Variants in GPR107 observed in about 807,000 individuals in gnomAD.
GPR107 encodes G protein-coupled receptor 107, also known as protein GPR107.
Under a neutral mutation model 75.5 loss-of-function variants are expected in GPR107, and 31 were observed. That is an observed-to-expected ratio of 0.41 (90% CI 0.31 to 0.55). The LOEUF (loss-of-function observed/expected upper bound fraction) is 0.55. GPR107 is among the 20% of genes least tolerant of loss of function. The pLI, the probability that GPR107 is intolerant of heterozygous loss-of-function variation, is 0.26. For synonymous variants in GPR107, 267 were observed against 251.3 expected (o/e 1.06, Z -0.59); for missense variants, 572 against 665.7 (o/e 0.86, Z 1.55).
Position 130,139,279 on chromosome 9 carries a change from A to C in GPR107, c.*4158A>C. 1 of 152,202 alleles carries C rather than the reference A, an allele frequency of 6.6e-6. No homozygotes were observed. Among genetic ancestry groups the C allele is most frequent in the East Asian group, 1.9e-4 (1 of 5,204 alleles). The allele number at this position is 152,202 out of a possible 1,614,324, so 9.4% of individuals were successfully genotyped here. ...CATCCAGAAAGTACCAAATGTTCTG[A>C]AAGACCCGCTCTTCACTCCAGTTTT... On this transcript the variant is annotated 3_prime_UTR_variant, in exon 18 of 18. Transcript: ENST00000347136.
At chr9:130,080,471 G>GTTTATTTATTTA (rs59817565) in intron 5 of GPR107, among the ~76,000 whole-genome samples, 16,142 of 146,554 alleles carry the variant, frequency 0.11, 938 homozygotes, top group Middle Eastern at 0.17. Context: ...AGGTATTCCT[G>GTTTATTTATTTA]TTTATTTATT....
chr9:130,115,721 C>T (rs1301877085), intron 14 of GPR107, among the ~76,000 whole-genome samples: 2 of 149,576 alleles, frequency 1.3e-5, no homozygotes, highest in Admixed American at 1.3e-4. Context: ...TGAGATCGCA[C>T]CACTGCACTC....
chr9:130,055,667 GGGC>G (rs1829764376), intron 1 of GPR107, among the ~76,000 whole-genome samples: 1 of 152,166 alleles, frequency 6.6e-6, no homozygotes, highest in Non-Finnish European at 1.5e-5. Context: ...TGGCTTGACT[GGGC>G]ACGGTGGCTC....
intron 17 of GPR107, among the ~76,000 whole-genome samples, chr9:130,130,503 T>C (rs1265553881): frequency 1.3e-5 from 2 of 152,326 alleles, no homozygotes; most frequent in Non-Finnish European, 2.9e-5. Context: ...GAAATGGGGA[T>C]TGGGGACTAA....
intron 15 of GPR107, among the ~76,000 whole-genome samples, chr9:130,126,586 G>A (rs374944650): frequency 1.3e-5 from 2 of 152,050 alleles, no homozygotes; most frequent in African/African-American, 4.8e-5. Context: ...CTGACCTCAG[G>A]TGATCCACCC....
At chr9:130,081,618 A>G (rs1299179433) in intron 5 of GPR107, among the ~76,000 whole-genome samples, 1 of 151,620 alleles carries the variant, frequency 6.6e-6, no homozygotes, top group East Asian at 1.9e-4. Flanking sequence ...GTTCGCAGTG[A>G]GCCAAGATCG....
chr9:130,086,178 A>AG (rs1326312010), intron 6 of GPR107, among the ~76,000 whole-genome samples: 9 of 152,158 alleles, frequency 5.9e-5, no homozygotes, highest in Non-Finnish European at 1.0e-4. Flanking sequence ...GATTCAAGGC[A>AG]GGGGGTGGAG....
At chr9:130,126,004 G>A (rs192678411) in intron 15 of GPR107, among the ~76,000 whole-genome samples, 21 of 150,018 alleles carry the variant, frequency 1.4e-4, no homozygotes, top group Admixed American at 6.7e-4. Flanking sequence ...GCAGTAAGCC[G>A]AGATAGAGTG....
At chr9:130,085,753 G>GTTTTTTTTTT (rs1189602398) in intron 6 of GPR107, among the ~76,000 whole-genome samples, 2 of 32,262 alleles carry the variant, frequency 6.2e-5, no homozygotes, top group African/African-American at 1.3e-4. Flanking sequence ...GCAATATTTT[G>GTTTTTTTTTT]ATTTTTTTTT....
At chr9:130,110,165 A>G (rs1275460362) in intron 14 of GPR107, among the ~76,000 whole-genome samples, 1 of 152,134 alleles carries the variant, frequency 6.6e-6, no homozygotes, top group African/African-American at 2.4e-5. Context: ...GGTGACTGCC[A>G]CTGGGACCAT....
In GPR107 at chr9:130,070,010, TTA is replaced by T. The variant is rs1274662565; in HGVS notation, c.142-5625_142-5624del. 2.2e-3 allele frequency among the ~76,000 whole-genome samples: 57 copies of T among 25,534 alleles called. 2 individuals are homozygous for T. The highest frequency in any genetic ancestry group is 2.6e-3 in the Non-Finnish European group (30 of 11,658). 16.8% of individuals were successfully genotyped at this position (25,534 alleles called of 152,430 possible). A position where few individuals can be genotyped will look rare whatever the true frequency, so the allele number is the denominator to read the frequency against. On this transcript the variant is annotated intron_variant, in intron 1 of 17. Transcript: ENST00000347136. ...TTTTTTTTTTTTTTTTTTTTTTTTT[TTA>T]AATTTTTTTGAGACAGGGTCTTGCT...
chr9:130,116,817 T>G (rs1384543231), intron 14 of GPR107, among the ~76,000 whole-genome samples: 1 of 152,240 alleles, frequency 6.6e-6, no homozygotes, highest in Non-Finnish European at 1.5e-5. Context: ...TTTCTGCTGC[T>G]TTTGTTGATG....
intron 14 of GPR107, chr9:130,110,300 A>G (rs1831263893): frequency 5.6e-6 from 5 of 900,238 alleles, no homozygotes; most frequent in Non-Finnish European, 7.2e-6. Flanking sequence ...GTAAAGGGTA[A>G]CTTCCTTTAA....
Position 130,139,609 on chromosome 9 carries a change from G to T in GPR107, c.*4488G>T, listed in dbSNP as rs1224972375. The T allele has an allele frequency of 6.6e-6, 1 of 152,412 alleles. No homozygotes were observed. The highest frequency in any genetic ancestry group is 2.4e-5 in the African/African-American group (1 of 41,468). The allele number at this position is 152,412 out of a possible 1,614,324, so 9.4% of individuals were successfully genotyped here. A position where few individuals can be genotyped will look rare whatever the true frequency, so the allele number is the denominator to read the frequency against. ...GCATGGCTTGGCCTCGCTACCTCGG[G>T]GACCTGTTGGAGTTCTGGCAGCAGG... On this transcript the variant is annotated 3_prime_UTR_variant, in exon 18 of 18. Coordinates refer to ENST00000347136, the MANE Select transcript of GPR107 (RefSeq NM_020960.5).
chr9:130,060,941 T>A (rs1423805399), intron 1 of GPR107, among the ~76,000 whole-genome samples: 1 of 152,192 alleles, frequency 6.6e-6, no homozygotes, highest in Non-Finnish European at 1.5e-5. Flanking sequence ...GACTAGAAGA[T>A]GTTGGATGAA....
At chr9:130,096,542 C>T (rs1412414397) in intron 9 of GPR107, among the ~76,000 whole-genome samples, 1 of 146,798 alleles carries the variant, frequency 6.8e-6, no homozygotes, top group African/African-American at 2.5e-5. Flanking sequence ...AATCTCAGCT[C>T]ACTGCAACCT....
intron 1 of GPR107, among the ~76,000 whole-genome samples, chr9:130,062,484 G>A (rs1286762646): frequency 1.3e-5 from 2 of 150,832 alleles, no homozygotes; most frequent in Non-Finnish European, 3.0e-5. Context: ...ACTGATCTAA[G>A]TAGTAGTTCA....
intron 8 of GPR107, 93 bp from the exon 9 acceptor site, chr9:130,092,155 C>A: frequency 5.4e-6 from 6 of 1,119,982 alleles, no homozygotes; most frequent in Non-Finnish European, 6.6e-6. Flanking sequence ...TACTTACTTT[C>A]TTAAGCTTAA....
intron 14 of GPR107, among the ~76,000 whole-genome samples, chr9:130,121,241 C>G (rs1831539758): frequency 6.6e-6 from 1 of 151,534 alleles, no homozygotes; most frequent in African/African-American, 2.4e-5. Context: ...ATAGCAGTGT[C>G]CAATCTTTTG....
Sources: allele counts gnomAD v4.1 joint callset (sites outside exome capture counted in the v4.1 genomes callset), GRCh38; gene constraint gnomAD v4.1.1; transcripts MANE v1.5; gene names NCBI Gene and HGNC (gene_info 2026-07-23, HGNC 2026-07-21).